PALLD: variants seen among roughly 807,000 people sequenced by gnomAD.
PALLD encodes palladin.
PALLD carries 61 observed loss-of-function variants against 123.5 expected under a neutral mutation model. The observed-to-expected ratio is 0.49, with a 90% confidence interval of 0.40 to 0.61. The LOEUF is 0.61. Ranked by LOEUF, PALLD falls within the 20% of genes least tolerant of loss-of-function variation. PALLD has a pLI of 0.00. For missense variants in PALLD, 1,273 were observed against 1,377.0 expected (o/e 0.92, Z 1.20); for synonymous variants, 465 against 496.4 (o/e 0.94, Z 0.84).
At chr4:168,825,321 A>G (rs1743274866) in intron 10 of PALLD, among the ~76,000 whole-genome samples, 1 of 151,834 alleles carries the variant, frequency 6.6e-6, no homozygotes, top group Non-Finnish European at 1.5e-5. Flanking sequence ...AGGTTTGTAC[A>G]TTTTATTTTG....
chr4:168,744,679 T>A (rs1788684113), intron 10 of PALLD, among the ~76,000 whole-genome samples: 1 of 152,202 alleles, frequency 6.6e-6, no homozygotes, highest in East Asian at 1.9e-4. Context: ...TTACAATGAT[T>A]CAACTTATGA....
At chr4:168,811,437 A>G (rs1439348802) in intron 10 of PALLD, among the ~76,000 whole-genome samples, 4 of 152,166 alleles carry the variant, frequency 2.6e-5, no homozygotes, top group Non-Finnish European at 5.9e-5. Context: ...TAGGTATTCA[A>G]AAAATGTTTA....
chr4:168,661,206 G>A (rs754285546), intron 2 of PALLD, among the ~76,000 whole-genome samples: 1 of 152,100 alleles, frequency 6.6e-6, no homozygotes. Flanking sequence ...CATGCCTGGT[G>A]CAATACAGGT....
intron 2 of PALLD, among the ~76,000 whole-genome samples, chr4:168,541,618 T>C (rs1002081783): frequency 6.6e-6 from 1 of 150,722 alleles, no homozygotes. Flanking sequence ...ACCTGGCTAA[T>C]TTTTTTGTAT....
intron 10 of PALLD, among the ~76,000 whole-genome samples, chr4:168,879,306 T>C (rs961412509): frequency 6.6e-6 from 1 of 152,028 alleles, no homozygotes; most frequent in Non-Finnish European, 1.5e-5. Flanking sequence ...ACAGTACAGG[T>C]GTTAGGCATG....
chr4:168,582,401 A>G (rs1473052149), intron 2 of PALLD, among the ~76,000 whole-genome samples: 1 of 152,132 alleles, frequency 6.6e-6, no homozygotes, highest in Non-Finnish European at 1.5e-5. Context: ...AGATCAGATC[A>G]TCTGTGAACA....
At chr4:168,875,286 T>C (rs1209868007) in intron 10 of PALLD, among the ~76,000 whole-genome samples, 1 of 152,144 alleles carries the variant, frequency 6.6e-6, no homozygotes, top group Non-Finnish European at 1.5e-5. Context: ...ATAGGCAACC[T>C]TGCCTTTCTG....
chr4:168,778,109 C>A (rs1263396205), intron 10 of PALLD, among the ~76,000 whole-genome samples: 1 of 152,122 alleles, frequency 6.6e-6, no homozygotes, highest in Non-Finnish European at 1.5e-5. Context: ...GTAGGAGAAC[C>A]AAAGGCAGGA....
chr4:168,808,446 T>C (rs751992057), intron 10 of PALLD, among the ~76,000 whole-genome samples: 3 of 151,942 alleles, frequency 2.0e-5, no homozygotes, highest in African/African-American at 4.8e-5. Flanking sequence ...CACCACTGCA[T>C]TCCAGCCTGG....
chr4:168,528,624 T>G (rs1430399122), intron 2 of PALLD, among the ~76,000 whole-genome samples: 2 of 119,874 alleles, frequency 1.7e-5, no homozygotes, highest in Admixed American at 1.5e-4. Context: ...GTAGGCAAAC[T>G]ATCCAAAGAC....
In PALLD at chr4:168,574,468, G is replaced by C. The variant is rs6813868; in HGVS notation, c.908+62056G>C. Among the ~76,000 whole-genome samples, 1,430 of 152,120 alleles carry C rather than the reference G, an allele frequency of 9.4e-3. 28 individuals are homozygous for C. Among genetic ancestry groups the C allele is most frequent in the African/African-American group, 0.032 (1,340 of 41,510 alleles). Reference sequence around the variant, plus strand: ...CACTGTCAGGCCAGTTATAATAAATGATCATTTTATGCCTCCATTATGCAA... The same window carrying C: ...CACTGTCAGGCCAGTTATAATAAATCATCATTTTATGCCTCCATTATGCAA... On this transcript the variant is annotated intron_variant, in intron 2 of 21. Transcript: ENST00000505667.
At chr4:168,827,713 TA>T (rs1561568454) in intron 10 of PALLD, among the ~76,000 whole-genome samples, 1 of 152,180 alleles carries the variant, frequency 6.6e-6, no homozygotes, top group Non-Finnish European at 1.5e-5. Context: ...TCTGTGACTC[TA>T]AAAAATATAG....
chr4:168,880,925 T>C (rs949879089), intron 10 of PALLD, among the ~76,000 whole-genome samples: 6 of 152,250 alleles, frequency 3.9e-5, no homozygotes, highest in African/African-American at 1.4e-4. Flanking sequence ...TTTCTTTTTT[T>C]CTGAGACAGT....
chr4:168,782,531 A>G (rs1336456526), intron 10 of PALLD, among the ~76,000 whole-genome samples: 2 of 152,246 alleles, frequency 1.3e-5, no homozygotes, highest in Non-Finnish European at 2.9e-5. Flanking sequence ...TATGGACTCT[A>G]TAATAGGTAT....
chr4:168,569,965 T>A (rs1768804226), intron 2 of PALLD, among the ~76,000 whole-genome samples: 1 of 152,168 alleles, frequency 6.6e-6, no homozygotes, highest in South Asian at 2.1e-4. Context: ...ATTGACCACG[T>A]TTCCTGTCTC....
intron 10 of PALLD, among the ~76,000 whole-genome samples, chr4:168,727,147 T>C (rs1225080887): frequency 6.6e-6 from 1 of 152,218 alleles, no homozygotes; most frequent in East Asian, 1.9e-4. Flanking sequence ...CTAGGTTGAC[T>C]CTATGTCTTT....
intron 2 of PALLD, among the ~76,000 whole-genome samples, chr4:168,628,662 G>C (rs771365664): frequency 4.6e-5 from 7 of 152,092 alleles, no homozygotes; most frequent in Non-Finnish European, 8.8e-5. Context: ...TGGCCGCTCC[G>C]TTTTAAATTA....
intron 4 of PALLD, among the ~76,000 whole-genome samples, 171 bp from the exon 5 acceptor site, chr4:168,682,827 G>T (rs1781678315): frequency 6.6e-6 from 1 of 151,824 alleles, no homozygotes; most frequent in Admixed American, 6.6e-5. Flanking sequence ...CTAGCTGTAG[G>T]TTATGCATTC....
At chr4:168,721,576 A>G (rs1451653089) in intron 10 of PALLD, among the ~76,000 whole-genome samples, 4 of 152,210 alleles carry the variant, frequency 2.6e-5, no homozygotes, top group African/African-American at 7.2e-5. Flanking sequence ...TCTTCTCATT[A>G]ACTATTCCTG....
Sources: gnomAD v4.1 joint callset for allele counts (sites outside exome capture counted in the v4.1 genomes callset) on GRCh38, gnomAD v4.1.1 for gene constraint, MANE v1.5 for transcripts, NCBI Gene and HGNC (gene_info 2026-07-23, HGNC 2026-07-21) for gene names.